KALRN: variants seen among roughly 807,000 people sequenced by gnomAD.
The protein encoded by KALRN is kalirin RhoGEF kinase.
A neutral mutation model predicts 353.7 loss-of-function variants in KALRN; 70 were observed. The observed-to-expected ratio is 0.20, with a 90% CI of 0.16 to 0.24. The LOEUF (loss-of-function observed/expected upper bound fraction) is 0.24. KALRN is among the 10% of genes least tolerant of loss of function. The pLI is 1.00. For synonymous variants in KALRN, 1,391 were observed against 1,434.8 expected (o/e 0.97, Z 0.69); for missense variants, 2,791 against 3,756.7 (o/e 0.74, Z 6.72).
At chr3:124,377,582 A>C (rs1935753685) in intron 10 of KALRN, among the ~76,000 whole-genome samples, 1 of 152,148 alleles carries the variant, frequency 6.6e-6, no homozygotes, top group African/African-American at 2.4e-5. Flanking sequence ...AGAGTGTTCA[A>C]ATCTATATCC....
intron 20 of KALRN, 83 bp from the exon 21 acceptor site, chr3:124,446,680 A>G (rs1219704032): frequency 1.0e-5 from 16 of 1,557,006 alleles, no homozygotes; most frequent in African/African-American, 2.7e-5. Flanking sequence ...AGTTGTCCCA[A>G]CAATAACCTT....
chr3:124,065,859 C>T (rs1329966876), intron 1 of KALRN, among the ~76,000 whole-genome samples: 7 of 152,122 alleles, frequency 4.6e-5, no homozygotes, highest in African/African-American at 1.7e-4. Context: ...ATTATTATTA[C>T]TAAAAAGAAA....
At chr3:124,661,142 AAC>A (rs2084824132) in intron 44 of KALRN, among the ~76,000 whole-genome samples, 169 bp downstream of exon 44, 2 of 152,308 alleles carry the variant, frequency 1.3e-5, no homozygotes, top group Middle Eastern at 3.4e-3. Flanking sequence ...GGCAAGTGTT[AAC>A]ACAGTGTTTC....
chr3:124,543,686 T>G (rs1233599295), intron 33 of KALRN, among the ~76,000 whole-genome samples: 2 of 144,066 alleles, frequency 1.4e-5, no homozygotes, highest in Admixed American at 6.9e-5. Context: ...ATCAGCAGGT[T>G]TTTTTTTTTT....
At chr3:124,366,741 T>C (rs2084761481) in intron 10 of KALRN, among the ~76,000 whole-genome samples, 1 of 151,746 alleles carries the variant, frequency 6.6e-6, no homozygotes, top group Admixed American at 6.6e-5. Flanking sequence ...GACGGGGTGG[T>C]GGCCGGGCAG....
At chr3:124,273,366 T>G (rs2074366482) in intron 5 of KALRN, among the ~76,000 whole-genome samples, 1 of 152,150 alleles carries the variant, frequency 6.6e-6, no homozygotes, top group African/African-American at 2.4e-5. Context: ...ACCAAAAGGG[T>G]GGGTAGGCCA....
chr3:124,707,975 C>A (rs1182538955), intron 57 of KALRN, among the ~76,000 whole-genome samples: 1 of 152,206 alleles, frequency 6.6e-6, no homozygotes, highest in African/African-American at 2.4e-5. Context: ...TAAACCACTG[C>A]TCAGTGACTG....
rs1480160080 is a variant in KALRN at position 124,658,517 on chromosome 3, G to A, written c.6123G>A (p.Glu2041=). ...YIVAEYDAYF[E]EVKQEINQRL... ...TTGCTGAGTATGACGCCTACTTTGA[G>A]GTAAGCTGTGCAGGCTTTGCTGAAC... Residue 2041 remains glutamate (E), a splice_region_variant and synonymous_variant, in exon 42 of 60, where the codon GAG becomes GAA. Transcript: ENST00000682506. The A allele has an allele frequency of 6.2e-7, 1 of 1,613,418 alleles. No homozygotes were observed. Among genetic ancestry groups the A allele is most frequent in the Non-Finnish European group, 8.5e-7 (1 of 1,179,340 alleles).
intron 33 of KALRN, among the ~76,000 whole-genome samples, chr3:124,561,938 G>A (rs991845094): frequency 4.6e-5 from 7 of 152,142 alleles, no homozygotes; most frequent in Non-Finnish European, 8.8e-5. Flanking sequence ...GGGGAAGTGG[G>A]GCCAAATCCC....
At chr3:124,157,576 C>A (rs1263179611) in intron 1 of KALRN, among the ~76,000 whole-genome samples, 1 of 152,140 alleles carries the variant, frequency 6.6e-6, no homozygotes, top group East Asian at 1.9e-4. Context: ...TGTATAAATA[C>A]CTTTAAGAAG....
chr3:124,496,439 C>T (rs766962439), intron 33 of KALRN, 26 bp downstream of exon 33: 12 of 1,543,726 alleles, frequency 7.8e-6, no homozygotes, highest in Non-Finnish European at 1.1e-5. Flanking sequence ...AACCTTCCTT[C>T]CCCTGAGACT....
rs1016956807 is a variant in KALRN at position 124,037,924 on chromosome 3, G to C, written c.73+4111G>C. 4.6e-5 allele frequency among the ~76,000 whole-genome samples: 7 copies of C among 152,270 alleles called. No homozygotes were observed. In the South Asian group the frequency reaches 1.2e-3, roughly 27 times the overall value. Reference sequence around the variant, plus strand: ...GTTAGCTTTGGACATGAAGCATGGGGGGGGCGACTCAGGGAAATCCAGATG... The same window carrying C: ...GTTAGCTTTGGACATGAAGCATGGGCGGGGCGACTCAGGGAAATCCAGATG... On this transcript the variant is annotated intron_variant, in intron 1 of 59. Coordinates refer to ENST00000682506, the MANE Select transcript of KALRN (RefSeq NM_001388419.1).
chr3:124,437,438 C>T lies in KALRN; in HGVS notation c.3049-1450C>T, dbSNP rs138413373. On this transcript the variant is annotated intron_variant, in intron 17 of 59. Coordinates refer to ENST00000682506, the MANE Select transcript of KALRN (RefSeq NM_001388419.1). Reference sequence around the variant, plus strand: ...GGCACGGAGGCTCACGCCTATAATCCCAGCACTTTGGGAGGCCAAGGCAGG... The same window carrying T: ...GGCACGGAGGCTCACGCCTATAATCTCAGCACTTTGGGAGGCCAAGGCAGG... Among the ~76,000 whole-genome samples, 174 of 152,300 alleles carry T rather than the reference C, an allele frequency of 1.1e-3. 3 individuals are homozygous for T. The East Asian group carries it at 0.031, about 28-fold the overall frequency.
At chr3:124,646,027 C>T (rs192435946) in intron 37 of KALRN, among the ~76,000 whole-genome samples, 1 of 151,740 alleles carries the variant, frequency 6.6e-6, no homozygotes, top group Non-Finnish European at 1.5e-5. Flanking sequence ...GGAATCGGAC[C>T]CTGATCTCTT....
chr3:124,228,796 G>A (rs895447834), intron 2 of KALRN, among the ~76,000 whole-genome samples: 3 of 152,284 alleles, frequency 2.0e-5, no homozygotes, highest in Middle Eastern at 3.4e-3. Flanking sequence ...GTTTCATGGG[G>A]CTGAAATCTA....
chr3:124,433,129 A>G (rs2093342453), intron 16 of KALRN, among the ~76,000 whole-genome samples: 1 of 152,310 alleles, frequency 6.6e-6, no homozygotes, highest in Non-Finnish European at 1.5e-5. Context: ...CCATTTTGAC[A>G]GTGTTACTAG....
chr3:124,683,871 T>C (rs1372020636), intron 51 of KALRN, among the ~76,000 whole-genome samples: 2 of 152,232 alleles, frequency 1.3e-5, no homozygotes, highest in Admixed American at 1.3e-4. Context: ...AAATTCCCCA[T>C]TGGAGTAAGA....
chr3:124,363,219 C>T (rs2084259081), intron 10 of KALRN, among the ~76,000 whole-genome samples: 1 of 152,124 alleles, frequency 6.6e-6, no homozygotes, highest in African/African-American at 2.4e-5. Flanking sequence ...CTAGATTTTC[C>T]CTTTCTTCAC....
chr3:124,040,604 A>G (rs1220290532), intron 1 of KALRN, among the ~76,000 whole-genome samples: 1 of 152,244 alleles, frequency 6.6e-6, no homozygotes, highest in Non-Finnish European at 1.5e-5. Flanking sequence ...AGAGGATGAC[A>G]GGCTTTGGAT....
Sources: gnomAD v4.1 joint callset for allele counts (sites outside exome capture counted in the v4.1 genomes callset) on GRCh38, gnomAD v4.1.1 for gene constraint, MANE v1.5 for transcripts, NCBI Gene and HGNC (gene_info 2026-07-23, HGNC 2026-07-21) for gene names.